CEP126: variants seen among roughly 807,000 people sequenced by gnomAD.
CEP126 encodes the protein centrosomal protein of 126 kDa.
A neutral mutation model predicts 107.8 loss-of-function variants in CEP126; 74 were observed. The observed-to-expected ratio is 0.69, with a 90% confidence interval of 0.57 to 0.83. The LOEUF (loss-of-function observed/expected upper bound fraction) is 0.83. Among genes scored for constraint, CEP126 ranks in the 40% least tolerant of loss-of-function variants. CEP126 has a pLI of 0.00. For missense variants in CEP126, 1,237 were observed against 1,281.9 expected (o/e 0.96, Z 0.53); for synonymous variants, 449 against 446.0 (o/e 1.01, Z -0.08).
chr11:101,917,605 A>T (rs1940244422), intron 1 of CEP126, among the ~76,000 whole-genome samples: 2 of 105,844 alleles, frequency 1.9e-5, no homozygotes, highest in African/African-American at 3.3e-5. Context: ...ATGGAATTTA[A>T]AAAAAAAAAA....
chr11:101,973,050 TCTC>T (rs1172284371), intron 6 of CEP126, among the ~76,000 whole-genome samples: 1 of 152,218 alleles, frequency 6.6e-6, no homozygotes, highest in Non-Finnish European at 1.5e-5. Flanking sequence ...ATGTTTTCAT[TCTC>T]CTATCACTGG....
At chr11:101,968,636 T>C (rs192780267) in intron 6 of CEP126, among the ~76,000 whole-genome samples, 11 of 152,284 alleles carry the variant, frequency 7.2e-5, no homozygotes, top group African/African-American at 2.6e-4. Context: ...AGCCCATATC[T>C]AGAGGAGCAA....
chr11:101,940,740 T>C (rs1278212282), intron 2 of CEP126, among the ~76,000 whole-genome samples: 1 of 152,248 alleles, frequency 6.6e-6, no homozygotes, highest in African/African-American at 2.4e-5. Flanking sequence ...TCCTGTTAGC[T>C]AGCTTGGGCT....
chr11:101,996,865 G>A (rs1372414), intron 10 of CEP126, among the ~76,000 whole-genome samples: 61,757 of 151,794 alleles, frequency 0.41, 12,826 homozygotes, highest in East Asian at 0.51. Flanking sequence ...CATTAGTTCC[G>A]TCGGACATTG....
chr11:101,950,898 G>C (rs1242508391), intron 4 of CEP126, among the ~76,000 whole-genome samples: 3 of 152,204 alleles, frequency 2.0e-5, no homozygotes, highest in African/African-American at 7.2e-5. Flanking sequence ...TCAGCAGGGA[G>C]TGATAGCATC....
intron 2 of CEP126, among the ~76,000 whole-genome samples, chr11:101,931,351 G>T (rs1461086036): frequency 6.6e-6 from 1 of 152,056 alleles, no homozygotes; most frequent in African/African-American, 2.4e-5. Flanking sequence ...CAATCTGTTG[G>T]AAAATATGGT....
intron 9 of CEP126, among the ~76,000 whole-genome samples, chr11:101,988,625 G>A (rs1220018488): frequency 6.6e-6 from 1 of 151,952 alleles, no homozygotes; most frequent in African/African-American, 2.4e-5. Flanking sequence ...AAAAAATCAG[G>A]AGATATTGAC....
At chr11:101,972,013 G>A (rs971284951) in intron 6 of CEP126, among the ~76,000 whole-genome samples, 4 of 151,946 alleles carry the variant, frequency 2.6e-5, no homozygotes, top group Non-Finnish European at 5.9e-5. Context: ...GGAGGCTGAG[G>A]CAGGAGAATC....
In CEP126 at chr11:101,978,421, C is replaced by T. The variant is rs968606875; in HGVS notation, c.2920C>T (p.Pro974Ser). ...RNILEQKRQN[P>S]GSVGQKYSEQ... ...TATTTTAGAGCAGAAAAGACAAAAC[C>T]CTGGATCTGTAGGACAGAAGTACAG... Residue 974 changes from proline to serine, a missense_variant, in exon 7 of 11, where the codon CCT (proline) becomes TCT (serine). This residue lies in a region of CEP126 where 1,134 missense variants were observed against 1,150.5 expected (regional missense o/e 0.99). Coordinates refer to ENST00000263468, the MANE Select transcript of CEP126 (RefSeq NM_020802.4). The T allele has an allele frequency of 2.5e-6, 4 of 1,612,820 alleles. No homozygotes were observed. The African/African-American group carries it at 4.0e-5, about 16-fold the overall frequency.
At position 101,963,248 on chromosome 11, in the gene CEP126, T is replaced by C. The variant is rs1941007330; in HGVS notation, c.2213T>C (p.Val738Ala). Residue 738 changes from valine to alanine, a missense_variant, in exon 6 of 11, where the codon GTA becomes GCA. Around this residue, in one of 3 missense-constraint regions of CEP126, gnomAD observed 1,134 missense variants for 1,150.5 expected, o/e 0.99. Coordinates refer to ENST00000263468, the MANE Select transcript of CEP126 (RefSeq NM_020802.4). ...ASKKEESKIP[V>A]HDDSKTKQGK... ...AAAAAAGAAGAAAGTAAAATCCCTG[T>C]ACATGATGATTCTAAAACTAAGCAA... 6.2e-7 allele frequency: 1 copy of C among 1,613,960 alleles called. No homozygotes were observed. Among genetic ancestry groups the C allele is most frequent in the Non-Finnish European group, 8.5e-7 (1 of 1,179,998 alleles).
At chr11:101,956,724 T>C (rs756128198) in intron 4 of CEP126, 2 of 456,050 alleles carry the variant, frequency 4.4e-6, no homozygotes, top group Non-Finnish European at 8.8e-6. Context: ...TATTTAGCTT[T>C]TCCCTCTCCA....
chr11:101,929,794 C>T (rs1013445268), intron 2 of CEP126, among the ~76,000 whole-genome samples: 2 of 152,094 alleles, frequency 1.3e-5, no homozygotes, highest in African/African-American at 4.8e-5. Flanking sequence ...CACATTGTTA[C>T]AAGGGAGGCA....
At chr11:101,970,171 G>A (rs368518732) in intron 6 of CEP126, among the ~76,000 whole-genome samples, 9 of 152,210 alleles carry the variant, frequency 5.9e-5, no homozygotes, top group African/African-American at 2.2e-4. Context: ...TACTGACAAA[G>A]GGCTTATATC....
intron 9 of CEP126, among the ~76,000 whole-genome samples, chr11:101,990,337 C>A (rs138468176): frequency 7.2e-5 from 11 of 152,118 alleles, no homozygotes; most frequent in Admixed American, 5.2e-4. Flanking sequence ...CAGAACATTT[C>A]CCCCTGCAGA....
chr11:101,993,235 A>G (rs1361834586), intron 10 of CEP126, among the ~76,000 whole-genome samples: 5 of 152,000 alleles, frequency 3.3e-5, no homozygotes, highest in Non-Finnish European at 7.4e-5. Flanking sequence ...AGTGGGCCCC[A>G]GTGTCTGTTG....
intron 2 of CEP126, among the ~76,000 whole-genome samples, chr11:101,934,720 T>C (rs1233567071): frequency 1.3e-5 from 2 of 152,122 alleles, no homozygotes; most frequent in Admixed American, 6.5e-5. Flanking sequence ...TATTGCCCAA[T>C]GGTATTCCAT....
intron 6 of CEP126, among the ~76,000 whole-genome samples, chr11:101,973,324 T>C (rs7118540): frequency 1.4e-3 from 211 of 152,328 alleles, no homozygotes; most frequent in African/African-American, 5.1e-3. Context: ...CACCATGGAA[T>C]ACTATGCAGC....
chr11:101,951,557 TGAGGAA>T (rs900750127), intron 4 of CEP126, among the ~76,000 whole-genome samples: 1 of 149,230 alleles, frequency 6.7e-6, no homozygotes, highest in African/African-American at 2.5e-5. Context: ...AACAAGAAGA[TGAGGAA>T]GAGGAGGAGA....
intron 2 of CEP126, among the ~76,000 whole-genome samples, chr11:101,939,367 A>G (rs1414933586): frequency 6.6e-6 from 1 of 152,164 alleles, no homozygotes; most frequent in Non-Finnish European, 1.5e-5. Context: ...TTAAAGTCCA[A>G]TATTAATAAC....
Sources: allele counts gnomAD v4.1 joint callset (sites outside exome capture counted in the v4.1 genomes callset), GRCh38; gene constraint gnomAD v4.1.1; regional missense constraint gnomAD v4.1.1; transcripts MANE v1.5; gene names NCBI Gene and HGNC (gene_info 2026-07-23, HGNC 2026-07-21).